Variants in TSHZ2 observed in about 807,000 individuals in gnomAD.
The protein encoded by TSHZ2 is teashirt zinc finger homeobox 2, also known as teashirt homolog 2.
TSHZ2 carries 21 observed loss-of-function variants against 74.4 expected under a neutral mutation model. That is an observed-to-expected ratio of 0.28 (90% CI 0.20 to 0.41). The LOEUF is 0.41. TSHZ2 is among the 10% of genes least tolerant of loss of function. The probability of loss-of-function intolerance (pLI) is 1.00; values close to 1 mark genes in which losing one functional copy is unlikely to be tolerated. For synonymous variants in TSHZ2, 540 were observed against 515.3 expected, an observed-to-expected ratio of 1.05 and a Z score of -0.65; for missense variants, 1,244 against 1,293.5, an observed-to-expected ratio of 0.96 and a Z score of 0.59.
At chr20:53,234,998 A>T (rs1219579509) in intron 1 of TSHZ2, among the ~76,000 whole-genome samples, 1 of 152,016 alleles carries the variant, frequency 6.6e-6, no homozygotes, top group Non-Finnish European at 1.5e-5. Flanking sequence ...TCAAGGTGGC[A>T]TGAGAGGTGC....
intron 2 of TSHZ2, among the ~76,000 whole-genome samples, chr20:53,408,843 G>C (rs1220975180): frequency 6.6e-6 from 1 of 152,176 alleles, no homozygotes; most frequent in Non-Finnish European, 1.5e-5. Context: ...TTTCAACTGA[G>C]CAGTGGGGTG....
intron 1 of TSHZ2, among the ~76,000 whole-genome samples, chr20:53,177,093 A>G (rs1323028386): frequency 1.3e-5 from 2 of 152,106 alleles, no homozygotes; most frequent in Non-Finnish European, 2.9e-5. Flanking sequence ...TATGTTGTCC[A>G]GGCTGGCCTC....
intron 1 of TSHZ2, among the ~76,000 whole-genome samples, chr20:52,994,491 G>A (rs112896488): frequency 0.02 from 3,004 of 150,248 alleles, 37 homozygotes; most frequent in African/African-American, 0.038. Context: ...AATGCATAAA[G>A]ATGATCTGTG....
intron 2 of TSHZ2, among the ~76,000 whole-genome samples, chr20:53,264,310 A>T (rs1293757922): frequency 6.6e-6 from 1 of 152,240 alleles, no homozygotes; most frequent in Non-Finnish European, 1.5e-5. Flanking sequence ...GGTAGCACAC[A>T]GCAGTAGCAC....
chr20:53,334,742 T>A (rs1328817990), intron 2 of TSHZ2, among the ~76,000 whole-genome samples: 1 of 152,064 alleles, frequency 6.6e-6, no homozygotes, highest in Non-Finnish European at 1.5e-5. Flanking sequence ...TCGCCCAGGC[T>A]GGAGTGCAGT....
intron 2 of TSHZ2, among the ~76,000 whole-genome samples, chr20:53,293,230 A>C (rs1991313455): frequency 6.6e-6 from 1 of 152,214 alleles, no homozygotes; most frequent in South Asian, 2.1e-4. Flanking sequence ...TGGGAGGCCA[A>C]GGTAGGAGGA....
At chr20:53,449,724 GTTAA>G (rs143109849) in intron 2 of TSHZ2, among the ~76,000 whole-genome samples, 85,096 of 151,380 alleles carry the variant, frequency 0.56, 24,402 homozygotes, top group African/African-American at 0.68. Flanking sequence ...GCCTCCATCA[GTTAA>G]TTAATTATTC....
At chr20:53,020,199 G>A (rs990268491) in intron 1 of TSHZ2, among the ~76,000 whole-genome samples, 4 of 152,158 alleles carry the variant, frequency 2.6e-5, no homozygotes, top group Non-Finnish European at 4.4e-5. Flanking sequence ...AATGAGATTC[G>A]GGTGGGGACA....
intron 2 of TSHZ2, among the ~76,000 whole-genome samples, chr20:53,346,199 C>T (rs369590189): frequency 1.3e-5 from 2 of 152,182 alleles, no homozygotes; most frequent in African/African-American, 4.8e-5. Context: ...GTGCTGAGCG[C>T]TGCGATGATT....
At chr20:53,411,598 T>C (rs1983057220) in intron 2 of TSHZ2, among the ~76,000 whole-genome samples, 1 of 152,060 alleles carries the variant, frequency 6.6e-6, no homozygotes, top group African/African-American at 2.4e-5. Flanking sequence ...AGAGGCTAAA[T>C]TGGGAGGACT....
At chr20:53,028,302 G>C (rs565810157) in intron 1 of TSHZ2, among the ~76,000 whole-genome samples, 1 of 152,274 alleles carries the variant, frequency 6.6e-6, no homozygotes. Context: ...AATAACAAAG[G>C]TTCATCCTCA....
intron 2 of TSHZ2, among the ~76,000 whole-genome samples, chr20:53,388,683 T>G (rs1243508726): frequency 6.6e-6 from 1 of 151,040 alleles, no homozygotes; most frequent in East Asian, 2.0e-4. Flanking sequence ...GTTCAAGCAA[T>G]TCTCGTACCT....
chr20:53,016,510 C>G (rs1983045021), intron 1 of TSHZ2, among the ~76,000 whole-genome samples: 1 of 152,176 alleles, frequency 6.6e-6, no homozygotes, highest in Non-Finnish European at 1.5e-5. Flanking sequence ...CTCCACCCAT[C>G]CTCAACGCAG....
At chr20:52,986,092 G>A (rs1004018756) in intron 1 of TSHZ2, among the ~76,000 whole-genome samples, 1 of 152,096 alleles carries the variant, frequency 6.6e-6, no homozygotes, top group African/African-American at 2.4e-5. Flanking sequence ...AAGATATCCA[G>A]TAAAGAAATG....
chr20:53,140,948 C>G (rs970061973), intron 1 of TSHZ2, among the ~76,000 whole-genome samples: 26 of 152,170 alleles, frequency 1.7e-4, no homozygotes, highest in African/African-American at 6.3e-4. Flanking sequence ...CTTTGTGTGT[C>G]TTGCATTTCA....
At position 53,459,696 on chromosome 20, in the gene TSHZ2, C is replaced by T. The variant is rs6097424; in HGVS notation, c.*9-27448C>T. Reference sequence around the variant, plus strand: ...GGCATGATTTTGCAGCGGCTGGTACCGGTTGTTCTTTTCCATGTTTAGCGC... The same window carrying T: ...GGCATGATTTTGCAGCGGCTGGTACTGGTTGTTCTTTTCCATGTTTAGCGC... On this transcript the variant is annotated intron_variant, in intron 2 of 2. Coordinates refer to ENST00000371497, the MANE Select transcript of TSHZ2 (RefSeq NM_173485.6). Among the ~76,000 whole-genome samples, 719 of 140,642 alleles carry T rather than the reference C, an allele frequency of 5.1e-3. 5 individuals are homozygous for T. The highest frequency in any genetic ancestry group is 0.015 in the African/African-American group (576 of 37,238). The allele number at this position is 140,642 out of a possible 152,430, so 92.3% of individuals were successfully genotyped here.
intron 2 of TSHZ2, among the ~76,000 whole-genome samples, chr20:53,266,442 C>T (rs1355229637): frequency 6.6e-6 from 1 of 152,162 alleles, no homozygotes; most frequent in Non-Finnish European, 1.5e-5. Context: ...CCTGTGTTTT[C>T]ACCCCTCCAC....
At chr20:53,402,411 G>A (rs1328423746) in intron 2 of TSHZ2, among the ~76,000 whole-genome samples, 2 of 152,144 alleles carry the variant, frequency 1.3e-5, no homozygotes, top group East Asian at 1.9e-4. Context: ...GGCCCATGTT[G>A]TACATACTTG....
At chr20:53,056,541 C>T (rs914830144) in intron 1 of TSHZ2, among the ~76,000 whole-genome samples, 10 of 152,310 alleles carry the variant, frequency 6.6e-5, no homozygotes, top group African/African-American at 2.4e-4. Context: ...TCCTCCCTAT[C>T]TAGTTAAATA....
Sources: allele counts gnomAD v4.1 joint callset (sites outside exome capture counted in the v4.1 genomes callset), GRCh38; gene constraint gnomAD v4.1.1; transcripts MANE v1.5; gene names NCBI Gene and HGNC (gene_info 2026-07-23, HGNC 2026-07-21).